The following WIPF1 variants were observed in gnomAD, a reference collection of about 807,000 sequenced individuals.
WIPF1 encodes the protein WAS/WASL-interacting protein family member 1.
A neutral mutation model predicts 35.4 loss-of-function variants in WIPF1; 13 were observed. The observed-to-expected ratio is 0.37, with a 90% CI of 0.24 to 0.58. WIPF1 has a LOEUF of 0.58. Among genes scored for constraint, WIPF1 ranks in the 20% least tolerant of loss-of-function variants. WIPF1 has a pLI of 0.74. For synonymous variants in WIPF1, 267 were observed against 266.3 expected (o/e 1.00, Z -0.02); for missense variants, 591 against 667.0 (o/e 0.89, Z 1.25).
In WIPF1 at chr2:174,617,173, C is replaced by T. The variant is rs114137972; in HGVS notation, c.-38-31562G>A. Among the ~76,000 whole-genome samples, 1,154 of 152,168 alleles carry T rather than the reference C, an allele frequency of 7.6e-3. 17 individuals are homozygous for T. The highest frequency in any genetic ancestry group is 0.027 in the African/African-American group (1,116 of 41,510). ...TTGGCCATAATATTCAAGCTGGGTA[C>T]AAGCAGCAGAGATTTTTGTCTGAGC... On this transcript the variant is annotated intron_variant, in intron 1 of 8. Coordinates refer to the WIPF1 transcript ENST00000272746.
Position 174,560,796 on chromosome 2 carries a change from C to T in WIPF1, c.*1751G>A, listed in dbSNP as rs1212117069. 6.6e-6 allele frequency: 1 copy of T among 152,440 alleles called. No homozygotes were observed. The highest frequency in any genetic ancestry group is 2.4e-5 in the African/African-American group (1 of 41,390). The allele number at this position is 152,440 out of a possible 1,614,324, so 9.4% of individuals were successfully genotyped here. On this transcript the variant is annotated 3_prime_UTR_variant, in exon 8 of 8. Transcript: ENST00000679041. Reference sequence around the variant, plus strand: ...TAACTTCATAATTTATTAGACATCCCATTTATTAGAACTCTAAGTTCTTTT... The same window carrying T: ...TAACTTCATAATTTATTAGACATCCTATTTATTAGAACTCTAAGTTCTTTT...
rs374978438 is a variant in WIPF1 at position 174,653,961 on chromosome 2, C to T, written c.-39+28813G>A. ...ATGGACTGTGTGAGGCAGGCATTTC[C>T]GTACTCAACAACCTCTCCTGGTAGA... On this transcript the variant is annotated intron_variant, in intron 1 of 8. Transcript: ENST00000272746. 1.9e-4 allele frequency among the ~76,000 whole-genome samples: 29 copies of T among 152,164 alleles called. 1 individual carries two copies. The South Asian group carries it at 2.7e-3, about 14-fold the overall frequency.
chr2:174,611,528 G>A (rs1357201233), intron 1 of WIPF1, among the ~76,000 whole-genome samples: 2 of 152,140 alleles, frequency 1.3e-5, no homozygotes, highest in East Asian at 1.9e-4. Context: ...AGGGAGGGTC[G>A]TCCCTCTCTG....
chr2:174,585,593 AAC>A lies in WIPF1; in HGVS notation c.-22_-21del, dbSNP rs1685390713. ...AGGCATCTTGGGCAGTTATGCGTTC[AAC>A]AGTCTTGCTGATAAATCTGGAAAAA... is the stretch of plus-strand genomic sequence containing the variant. On this transcript the variant is annotated 5_prime_UTR_variant, in exon 2 of 8. An upstream open reading frame in the 5' UTR loses its in-frame stop. Coordinates refer to ENST00000679041, the MANE Select transcript of WIPF1 (RefSeq NM_001375834.1). The A allele has an allele frequency of 1.9e-6, 3 of 1,611,432 alleles. No homozygotes were observed. The highest frequency in any genetic ancestry group is 2.5e-6 in the Non-Finnish European group (3 of 1,178,692).
At chr2:174,624,968 C>T (rs1281525140) in intron 1 of WIPF1, among the ~76,000 whole-genome samples, 1 of 152,184 alleles carries the variant, frequency 6.6e-6, no homozygotes, top group African/African-American at 2.4e-5. Context: ...GGGACAGAGC[C>T]CTGTCCATTT....
intron 1 of WIPF1, among the ~76,000 whole-genome samples, chr2:174,658,963 T>C (rs1687701672): frequency 6.6e-6 from 1 of 152,094 alleles, no homozygotes; most frequent in African/African-American, 2.4e-5. Flanking sequence ...TTTCAGCCCT[T>C]AAGCCTCTGT....
At chr2:174,672,196 C>T (rs948162570) in intron 1 of WIPF1, among the ~76,000 whole-genome samples, 9 of 152,130 alleles carry the variant, frequency 5.9e-5, no homozygotes, top group African/African-American at 1.9e-4. Context: ...CGGGTTCCCC[C>T]AATAATAGAT....
chr2:174,658,170 GAGA>G (rs1015163695), intron 1 of WIPF1, among the ~76,000 whole-genome samples: 63 of 152,252 alleles, frequency 4.1e-4, no homozygotes, highest in African/African-American at 5.1e-4. Flanking sequence ...TTCTAGGAGA[GAGA>G]AGAAGCTGGC....
At position 174,559,767 on chromosome 2, in the gene WIPF1, CCAA is replaced by C. The variant is rs1439450375; in HGVS notation, c.*2777_*2779del. The C allele has an allele frequency of 6.6e-6, 1 of 152,510 alleles. No individual in the cohort carries two copies. The highest frequency in any genetic ancestry group is 2.4e-5 in the African/African-American group (1 of 41,422). 9.4% of individuals were successfully genotyped at this position (152,510 alleles called of 1,614,324 possible). ...TAAGGAGGGAAAAATTAATTTCATG[CCAA>C]CATTTTTGGGGAACTTTAACAATCA... On this transcript the variant is annotated 3_prime_UTR_variant, in exon 8 of 8. Transcript: ENST00000679041.
At chr2:174,615,994 C>G (rs1441838393) in intron 1 of WIPF1, among the ~76,000 whole-genome samples, 2 of 152,158 alleles carry the variant, frequency 1.3e-5, no homozygotes, top group East Asian at 3.9e-4. Context: ...TCAGTCATCA[C>G]TTTGCTTGGC....
At chr2:174,646,111 G>T (rs1045689698) in intron 1 of WIPF1, among the ~76,000 whole-genome samples, 5 of 152,326 alleles carry the variant, frequency 3.3e-5, no homozygotes, top group African/African-American at 1.2e-4. Flanking sequence ...AACAGCATGC[G>T]AAAAGTGTCA....
intron 1 of WIPF1, among the ~76,000 whole-genome samples, chr2:174,669,690 C>T (rs529962860): frequency 6.6e-6 from 1 of 152,250 alleles, no homozygotes; most frequent in East Asian, 1.9e-4. Flanking sequence ...GTCTGGCCAA[C>T]ATAGCAATAC....
At chr2:174,636,261 C>T (rs116837237) in intron 1 of WIPF1, among the ~76,000 whole-genome samples, 1,605 of 152,180 alleles carry the variant, frequency 0.011, 39 homozygotes, top group African/African-American at 0.036. Flanking sequence ...AAGCCGTGTT[C>T]TGTGTGGAAT....
chr2:174,598,389 G>A (rs1009341704), upstream of WIPF1, among the ~76,000 whole-genome samples: 26 of 152,096 alleles, frequency 1.7e-4, no homozygotes, highest in African/African-American at 6.0e-4. Flanking sequence ...ATAGCTCCCT[G>A]TGGCCCTGAC....
At chr2:174,638,537 C>T (rs75070209) in intron 1 of WIPF1, among the ~76,000 whole-genome samples, 96 of 152,176 alleles carry the variant, frequency 6.3e-4, no homozygotes, top group African/African-American at 2.0e-3. Context: ...ACCTGTTGAC[C>T]CCATCTTCCC....
In WIPF1 at chr2:174,677,306, G is replaced by A. The variant is rs187157367; in HGVS notation, c.-39+5468C>T. 3.9e-5 allele frequency among the ~76,000 whole-genome samples: 6 copies of A among 152,310 alleles called. No individual in the cohort carries two copies. In the East Asian group the frequency reaches 9.6e-4, roughly 24 times the overall value. On this transcript the variant is annotated intron_variant, in intron 1 of 8. Transcript: ENST00000272746. ...AAAATTCACTCAAATCTTACAGAGTGGAATAAATAAACCATCCTTTAACAA... is the reference window on the plus strand; with the variant it reads ...AAAATTCACTCAAATCTTACAGAGTAGAATAAATAAACCATCCTTTAACAA...
intron 7 of WIPF1, among the ~76,000 whole-genome samples, chr2:174,563,920 C>T (rs1412357210): frequency 1.3e-5 from 2 of 152,192 alleles, no homozygotes; most frequent in African/African-American, 4.8e-5. Context: ...CTGAAAGAAG[C>T]ACCTCTTCCT....
intron 1 of WIPF1, chr2:174,655,891 A>G (rs1559174147): frequency 6.6e-6 from 1 of 152,302 alleles, no homozygotes; most frequent in Non-Finnish European, 1.5e-5. Context: ...TTGACTGAAG[A>G]ATGACTATGT....
intron 1 of WIPF1, among the ~76,000 whole-genome samples, chr2:174,671,653 C>G (rs1688021424): frequency 6.6e-6 from 1 of 152,154 alleles, no homozygotes; most frequent in Non-Finnish European, 1.5e-5. Flanking sequence ...AGGGGTAGGT[C>G]TCTAAAATGG....
Sources: gnomAD v4.1 joint callset for allele counts (sites outside exome capture counted in the v4.1 genomes callset) on GRCh38, gnomAD v4.1.1 for gene constraint, MANE v1.5 for transcripts, NCBI Gene and HGNC (gene_info 2026-07-23, HGNC 2026-07-21) for gene names.